The following PPIL6 variants were observed in gnomAD, a reference collection of about 807,000 sequenced individuals.
PPIL6 encodes probable inactive peptidyl-prolyl cis-trans isomerase-like 6.
PPIL6 carries 39 observed loss-of-function variants against 36.8 expected under a neutral mutation model. That is an observed-to-expected ratio of 1.06 (90% CI 0.82 to 1.38). The LOEUF (loss-of-function observed/expected upper bound fraction) is 1.38. PPIL6 is among the 40% of genes most tolerant of loss of function. The pLI is 0.00. For synonymous variants in PPIL6, 123 were observed against 134.1 expected (o/e 0.92, Z 0.57); for missense variants, 368 against 379.1 (o/e 0.97, Z 0.24).
rs142492578 is a variant in PPIL6 at position 109,405,723 on chromosome 6, T to C, written c.689-5553A>G. Among the ~76,000 whole-genome samples, 766 of 152,216 alleles carry C rather than the reference T, an allele frequency of 5.0e-3. 6 individuals carry two copies. Among genetic ancestry groups the C allele is most frequent in the Middle Eastern group, 0.037 (11 of 294 alleles). On this transcript the variant is annotated intron_variant, in intron 6 of 7. Transcript: ENST00000521072. ...CATAGGAACACACACACCTCAGATA[T>C]CTACCAGCTACCCTGGAGCTGTTCT... is the stretch of plus-strand genomic sequence containing the variant.
At chr6:109,393,034 C>T (rs1029576725) in intron 7 of PPIL6, 97 bp from the exon 8 acceptor site, 2 of 681,724 alleles carry the variant, frequency 2.9e-6, no homozygotes, top group Non-Finnish European at 5.1e-6. Context: ...ATAGCTAAGA[C>T]TATTTCCTAC....
chr6:109,399,868 C>T (rs2115199176), intron 7 of PPIL6, among the ~76,000 whole-genome samples, 167 bp downstream of exon 7: 1 of 152,306 alleles, frequency 6.6e-6, no homozygotes, highest in East Asian at 1.9e-4. Flanking sequence ...AGATAGCAAA[C>T]TTCTTGCAAA....
At chr6:109,407,364 C>T (rs541626011) in intron 6 of PPIL6, among the ~76,000 whole-genome samples, 4 of 152,022 alleles carry the variant, frequency 2.6e-5, no homozygotes, top group East Asian at 1.9e-4. Flanking sequence ...CTCAGCCTCC[C>T]GAGTATCTGG....
At chr6:109,437,706 C>T (rs941799708) in intron 1 of PPIL6, among the ~76,000 whole-genome samples, 1 of 152,058 alleles carries the variant, frequency 6.6e-6, no homozygotes, top group African/African-American at 2.4e-5. Flanking sequence ...AGGCACCCGC[C>T]ACCACGCCCA....
In PPIL6 at chr6:109,402,976, C is replaced by T. The variant is rs192065110; in HGVS notation, c.689-2806G>A. The T allele has an allele frequency of 2.2e-3, 2,417 of 1,106,834 alleles. 4 individuals carry two copies. The highest frequency in any genetic ancestry group is 2.8e-3 in the Non-Finnish European group (2,175 of 779,682). 68.6% of individuals were successfully genotyped at this position (1,106,834 alleles called of 1,614,324 possible). On this transcript the variant is annotated intron_variant, in intron 6 of 7. Transcript: ENST00000521072. The stretch of plus-strand genomic sequence containing the variant: ...AGTATTACAAGACAAGGGTAATTTA[C>T]GTGTTATTTTGTTCTGCCGTGTCTC...
At chr6:109,433,504 G>A (rs1318962680) in intron 2 of PPIL6, among the ~76,000 whole-genome samples, 3 of 152,204 alleles carry the variant, frequency 2.0e-5, no homozygotes, top group Admixed American at 6.5e-5. Flanking sequence ...TTAGGGAGGC[G>A]TGCTCGCCTG....
At chr6:109,395,607 C>CTTCTT (rs1772264425) in intron 7 of PPIL6, among the ~76,000 whole-genome samples, 2 of 111,118 alleles carry the variant, frequency 1.8e-5, no homozygotes, top group Non-Finnish European at 3.8e-5. Context: ...ACTCTAACTT[C>CTTCTT]TTTTTTTTTT....
At chr6:109,411,150 G>T (rs1194952072) in intron 6 of PPIL6, among the ~76,000 whole-genome samples, 1 of 152,164 alleles carries the variant, frequency 6.6e-6, no homozygotes, top group Admixed American at 6.5e-5. Flanking sequence ...CCCTCCAGGA[G>T]TCACTGTCTA....
intron 5 of PPIL6, among the ~76,000 whole-genome samples, chr6:109,421,582 T>TATG (rs141451308): frequency 0.084 from 12,770 of 152,172 alleles, 1,399 homozygotes; most frequent in African/African-American, 0.26. Flanking sequence ...TTCTGCTCAA[T>TATG]ATGATGATGA....
At chr6:109,425,443 G>A (rs757583546) in intron 5 of PPIL6, among the ~76,000 whole-genome samples, 19 of 152,168 alleles carry the variant, frequency 1.2e-4, no homozygotes, top group Non-Finnish European at 2.5e-4. Flanking sequence ...AAAATAAAAC[G>A]AAACAAAAGA....
intron 1 of PPIL6, among the ~76,000 whole-genome samples, chr6:109,436,465 C>G (rs1187432837): frequency 1.3e-5 from 2 of 152,200 alleles, no homozygotes; most frequent in Non-Finnish European, 2.9e-5. Context: ...CACCTGTAAT[C>G]TCAGCACTTT....
rs9398200 is a variant in PPIL6, at chr6:109,431,248, T to C, written c.329A>G (p.His110Arg). 55,139 of 1,613,410 alleles carry C rather than the reference T, an allele frequency of 0.034. 1,607 individuals carry two copies. Among genetic ancestry groups the C allele is most frequent in the East Asian group, 0.18 (7,894 of 44,852 alleles). The change falls in exon 3 of 8, where the codon CAC becomes CGC. Residue 110 changes from histidine (H) to arginine (R), a missense_variant. Physicochemically the swap from His to Arg is conservative, Grantham distance 29. Transcript: ENST00000521072. Reference sequence around the variant, plus strand: ...AATGTCAACTATATCCCACACCTCGTGGGCCCATTTCTGCAGATCCAATGC... The same window carrying C: ...AATGTCAACTATATCCCACACCTCGCGGGCCCATTTCTGCAGATCCAATGC... ...GDALDLQKWAHEVWDIVDIKP... is the reference protein window; with the variant it reads ...GDALDLQKWAREVWDIVDIKP...
upstream of PPIL6, chr6:109,441,161 C>T: frequency 1.9e-6 from 3 of 1,614,190 alleles, no homozygotes; most frequent in Non-Finnish European, 2.5e-6. Flanking sequence ...GATCTTCAAC[C>T]TCAACTGCTG....
rs1773861185 is a variant in PPIL6, at chr6:109,427,120, A to T, written c.457T>A (p.Ser153Thr). ...FVFLDICIDS[S>T]PIGRLIFELY... is the part of the protein sequence containing the mutation. Reference sequence around the variant, plus strand: ...TCAAAAATCAATCTTCCAATTGGAGAAGAATCAATACAAATGTCCAAAAAC... The same window carrying T: ...TCAAAAATCAATCTTCCAATTGGAGTAGAATCAATACAAATGTCCAAAAAC... Residue 153 changes from serine to threonine, a missense_variant, in exon 4 of 8, where the codon TCT becomes ACT. By Grantham distance (58) the Ser-to-Thr change is moderately conservative. Transcript: ENST00000521072. The T allele has an allele frequency of 1.2e-6, 2 of 1,612,150 alleles. No individual in the cohort carries two copies. Among genetic ancestry groups the T allele is most frequent in the East Asian group, 4.5e-5 (2 of 44,814 alleles).
At chr6:109,430,274 T>C (rs1774060554) in intron 3 of PPIL6, among the ~76,000 whole-genome samples, 1 of 152,240 alleles carries the variant, frequency 6.6e-6, no homozygotes, top group Non-Finnish European at 1.5e-5. Flanking sequence ...AGAAGGTTTC[T>C]GAGCAGGACT....
chr6:109,419,326 T>C, intron 5 of PPIL6, 83 bp from the exon 6 acceptor site: 1 of 921,806 alleles, frequency 1.1e-6, no homozygotes, highest in Non-Finnish European at 1.8e-6. Context: ...AAATTTTGCT[T>C]TCAATGATGA....
rs1012584859 is a variant in PPIL6, at chr6:109,419,319, T to A, written c.632-76A>T. 1.4e-5 allele frequency: 15 copies of A among 1,037,016 alleles called. No homozygotes were observed. In the South Asian group the frequency reaches 2.1e-4, roughly 14 times the overall value. 64.2% of individuals were successfully genotyped at this position (1,037,016 alleles called of 1,614,324 possible). On this transcript the variant is annotated intron_variant, in intron 5 of 7. Transcript: ENST00000521072. ...GGATACAATAATGACAGGGAAAAAA[T>A]TTTGCTTTCAATGATGATTTCAAGG...
chr6:109,412,679 C>T (rs1773064457), intron 6 of PPIL6, among the ~76,000 whole-genome samples: 1 of 152,086 alleles, frequency 6.6e-6, no homozygotes, highest in African/African-American at 2.4e-5. Context: ...AACTGGATAT[C>T]CATATGCAAA....
chr6:109,409,887 C>A (rs758395366), intron 6 of PPIL6, among the ~76,000 whole-genome samples: 18 of 152,206 alleles, frequency 1.2e-4, no homozygotes, highest in Non-Finnish European at 2.4e-4. Context: ...AAATGGAAAG[C>A]TATTTCATGT....
Sources: gnomAD v4.1 joint callset for allele counts (sites outside exome capture counted in the v4.1 genomes callset) on GRCh38, gnomAD v4.1.1 for gene constraint, MANE v1.5 for transcripts, NCBI Gene and HGNC (gene_info 2026-07-23, HGNC 2026-07-21) for gene names.